Variants in NCOA1 observed in about 807,000 individuals in gnomAD.
NCOA1 encodes Hin-2 protein.
Under a neutral mutation model 150.9 loss-of-function variants are expected in NCOA1, and 35 were observed. That is an observed-to-expected ratio of 0.23 (90% CI 0.18 to 0.31). The LOEUF (loss-of-function observed/expected upper bound fraction) is 0.31, where lower values mean the gene tolerates loss of function less well. NCOA1 is among the 10% of genes least tolerant of loss of function. The pLI, the probability that NCOA1 is intolerant of heterozygous loss-of-function variation, is 1.00. For missense variants in NCOA1, 1,491 were observed against 1,749.3 expected, an observed-to-expected ratio of 0.85 and a Z score of 2.63; for synonymous variants, 590 against 630.0, an observed-to-expected ratio of 0.94 and a Z score of 0.95.
At chr2:24,592,374 T>G (rs1005315234) in intron 3 of NCOA1, among the ~76,000 whole-genome samples, 1 of 152,072 alleles carries the variant, frequency 6.6e-6, no homozygotes, top group African/African-American at 2.4e-5. Context: ...TAAATTAGCT[T>G]TGGGGGATCA....
intron 16 of NCOA1, 77 bp downstream of exon 16, chr2:24,728,553 GT>G: frequency 1.5e-6 from 2 of 1,295,502 alleles, no homozygotes. Context: ...AGATTTTAAA[GT>G]ATTGTACCCA....
Position 24,658,683 on chromosome 2 carries a change from T to G in NCOA1, c.6T>G (p.Ser2Arg). Reference protein sequence around the residue: MSGLGDSSSDPA... With the variant: MRGLGDSSSDPA... ...TAGGTGTGAAGTTTTTCAACATGAG[T>G]GGCCTCGGGGACAGTTCATCCGACC... The change falls in exon 5 of 23, where the codon AGT becomes AGG. Residue 2 changes from serine (S) to arginine (R), a missense_variant. Physicochemically the swap from Ser to Arg is moderately radical, Grantham distance 110 (BLOSUM62 -1). Transcript: ENST00000348332. 6.2e-7 allele frequency: 1 copy of G among 1,613,980 alleles called. No homozygotes were observed. Among genetic ancestry groups the G allele is most frequent in the Non-Finnish European group, 8.5e-7 (1 of 1,179,874 alleles).
rs1390930610 is a variant in NCOA1, at chr2:24,713,832, GAC to G, written c.2599+2723_2599+2724del. Among the ~76,000 whole-genome samples, 4 of 152,336 alleles carry G rather than the reference GAC, an allele frequency of 2.6e-5. No individual in the cohort carries two copies. The East Asian group carries it at 7.7e-4, about 29-fold the overall frequency. On this transcript the variant is annotated intron_variant, in intron 14 of 22. Coordinates refer to ENST00000348332, the MANE Select transcript of NCOA1 (RefSeq NM_003743.5). ...CCGAAAATAGTGATAGGAGTTCAGT[GAC>G]AGTGGGGCAGCTAGAACTTGCTGAA...
chr2:24,741,931 C>T lies in NCOA1; in HGVS notation c.3451C>T (p.Pro1151Ser). Residue 1151 changes from proline to serine, a missense_variant, in exon 19 of 23, where the codon CCA becomes TCA. By Grantham distance (74) the Pro-to-Ser change is moderately conservative (BLOSUM62 -1). Transcript: ENST00000348332. The stretch of plus-strand genomic sequence containing the variant: ...CAACCTCCCTCCCTCATCTGGACTA[C>T]CAGTTCAAATGGGGAACCCCCGTCT... ...GNNLPPSSGL[P>S]VQMGNPRLPQ... 1 of 1,614,220 alleles carries T rather than the reference C, an allele frequency of 6.2e-7. No individual in the cohort carries two copies.
At chr2:24,549,988 T>G (rs544353015) in intron 1 of NCOA1, among the ~76,000 whole-genome samples, 2 of 152,310 alleles carry the variant, frequency 1.3e-5, no homozygotes, top group South Asian at 2.1e-4. Flanking sequence ...AGTTCAAATT[T>G]CCACAAACCT....
At chr2:24,724,066 G>T (rs1052211152) in intron 14 of NCOA1, among the ~76,000 whole-genome samples, 48 of 149,964 alleles carry the variant, frequency 3.2e-4, no homozygotes, top group East Asian at 1.4e-3. Context: ...TATAAGGGGG[G>T]TTTTTTTGTT....
rs150781994 is a variant in NCOA1, at chr2:24,657,386, G to A, written c.-17-1275G>A. On this transcript the variant is annotated intron_variant, in intron 4 of 22. Transcript: ENST00000348332. ...AGAAGGAAGAGACAATCTTGTTAAG[G>A]AAAAATTAGCAGGATCTGAATGCCA... Among the ~76,000 whole-genome samples the A allele has an allele frequency of 5.3e-3, 804 of 152,238 alleles. 4 individuals carry two copies. Among genetic ancestry groups the A allele is most frequent in the Middle Eastern group, 0.014 (4 of 294 alleles).
intron 1 of NCOA1, among the ~76,000 whole-genome samples, chr2:24,523,020 A>G (rs556625908): frequency 6.6e-6 from 1 of 152,166 alleles, no homozygotes; most frequent in Non-Finnish European, 1.5e-5. Context: ...TATTCTAAAT[A>G]TTTTACTTGT....
At chr2:24,704,503 G>A (rs1399430156) in intron 11 of NCOA1, among the ~76,000 whole-genome samples, 4 of 152,180 alleles carry the variant, frequency 2.6e-5, no homozygotes, top group Admixed American at 6.5e-5. Context: ...TGGGCCAGGC[G>A]CGGTGGCTTA....
At position 24,705,285 on chromosome 2, in the gene NCOA1, T is replaced by A. The variant is rs768109066; in HGVS notation, c.1097+52T>A. ...TGAAATAAGCCAGTTCACATATCTC[T>A]TATTAGAGAAATTTTTTATACTCTT... is the stretch of plus-strand genomic sequence containing the variant. On this transcript the variant is annotated intron_variant, in intron 12 of 22. Coordinates refer to ENST00000348332, the MANE Select transcript of NCOA1 (RefSeq NM_003743.5). 34 of 1,554,008 alleles carry A rather than the reference T, an allele frequency of 2.2e-5. No homozygotes were observed. The South Asian group carries it at 2.2e-4, about 10-fold the overall frequency.
intron 17 of NCOA1, among the ~76,000 whole-genome samples, chr2:24,734,385 T>G (rs1663182398): frequency 6.6e-6 from 1 of 152,072 alleles, no homozygotes; most frequent in South Asian, 2.1e-4. Flanking sequence ...AATCTCAACA[T>G]GGAATTTGAC....
chr2:24,697,052 A>G (rs183676116), intron 10 of NCOA1, among the ~76,000 whole-genome samples: 3 of 152,218 alleles, frequency 2.0e-5, no homozygotes, highest in East Asian at 3.9e-4. Flanking sequence ...AAATATGATA[A>G]CAATGGCGAA....
At chr2:24,571,815 A>G (rs936185496) in intron 2 of NCOA1, among the ~76,000 whole-genome samples, 1 of 152,232 alleles carries the variant, frequency 6.6e-6, no homozygotes, top group African/African-American at 2.4e-5. Context: ...CTTACTGTGT[A>G]TCCAGAAACC....
At chr2:24,580,243 G>T (rs551409862) in intron 2 of NCOA1, among the ~76,000 whole-genome samples, 13 of 152,218 alleles carry the variant, frequency 8.5e-5, no homozygotes, top group African/African-American at 3.1e-4. Context: ...CCTGTTTATG[G>T]TTCACTCGGC....
intron 8 of NCOA1, among the ~76,000 whole-genome samples, chr2:24,685,564 C>T (rs1426823432): frequency 7.2e-5 from 11 of 152,130 alleles, no homozygotes; most frequent in African/African-American, 1.2e-4. Flanking sequence ...GATGGAGACA[C>T]GATAGTGCTT....
chr2:24,747,475 A>C (rs1401487482), intron 19 of NCOA1, among the ~76,000 whole-genome samples: 1 of 151,652 alleles, frequency 6.6e-6, no homozygotes, highest in Admixed American at 6.6e-5. Context: ...AACTACAGGC[A>C]TGTACCACTG....
intron 14 of NCOA1, among the ~76,000 whole-genome samples, chr2:24,713,963 C>T (rs1220762050): frequency 6.6e-6 from 1 of 152,026 alleles, no homozygotes; most frequent in Non-Finnish European, 1.5e-5. Context: ...ATGTATTCAA[C>T]GATACTCCAT....
intron 1 of NCOA1, among the ~76,000 whole-genome samples, chr2:24,524,762 A>G (rs553964654): frequency 6.6e-6 from 1 of 151,812 alleles, no homozygotes; most frequent in South Asian, 2.1e-4. Flanking sequence ...TACCCACCAC[A>G]ATGCCCAGCT....
intron 14 of NCOA1, among the ~76,000 whole-genome samples, chr2:24,714,788 G>A (rs1334447619): frequency 6.6e-6 from 1 of 151,876 alleles, no homozygotes; most frequent in Non-Finnish European, 1.5e-5. Context: ...TGAAAAAACA[G>A]CCAAAATATT....
Sources: gnomAD v4.1 joint callset for allele counts (sites outside exome capture counted in the v4.1 genomes callset) on GRCh38, gnomAD v4.1.1 for gene constraint, MANE v1.5 for transcripts, NCBI Gene and HGNC (gene_info 2026-07-23, HGNC 2026-07-21) for gene names.